PRKCA: variants seen among roughly 807,000 people sequenced by gnomAD.
PRKCA encodes protein kinase C alpha.
PRKCA carries 27 observed loss-of-function variants against 87.0 expected under a neutral mutation model. The observed-to-expected ratio is 0.31, with a 90% CI of 0.23 to 0.43. The LOEUF is 0.43. PRKCA is among the 20% of genes least tolerant of loss of function. PRKCA has a pLI of 1.00. For synonymous variants in PRKCA, 329 were observed against 311.1 expected (o/e 1.06, Z -0.61); for missense variants, 518 against 852.3 (o/e 0.61, Z 4.88).
At chr17:66,635,214 AG>A (rs541244639) in intron 3 of PRKCA, among the ~76,000 whole-genome samples, 85 of 152,320 alleles carry the variant, frequency 5.6e-4, no homozygotes, top group African/African-American at 2.0e-3. Context: ...TTATAGATGT[AG>A]GAAAGGATCC....
chr17:66,593,825 T>G (rs957559916), intron 3 of PRKCA, among the ~76,000 whole-genome samples: 1 of 152,190 alleles, frequency 6.6e-6, no homozygotes, highest in Non-Finnish European at 1.5e-5. Flanking sequence ...GGCCCACGCC[T>G]GTAATCCCAG....
intron 2 of PRKCA, among the ~76,000 whole-genome samples, chr17:66,459,523 G>A (rs975763415): frequency 6.6e-6 from 1 of 152,182 alleles, no homozygotes; most frequent in African/African-American, 2.4e-5. Context: ...TAAATGTGGG[G>A]CAAATTTCTA....
chr17:66,368,046 T>G (rs1240555981), intron 2 of PRKCA, among the ~76,000 whole-genome samples: 1 of 152,122 alleles, frequency 6.6e-6, no homozygotes, highest in Non-Finnish European at 1.5e-5. Flanking sequence ...CTTGGCAGAT[T>G]GGTCAATACT....
intron 14 of PRKCA, chr17:66,775,599 T>C: frequency 1.0e-6 from 1 of 985,398 alleles, no homozygotes; most frequent in Non-Finnish European, 1.2e-6. Context: ...TGCCAAGACC[T>C]GTGACTCTCC....
chr17:66,466,060 A>G (rs750257763), intron 2 of PRKCA, among the ~76,000 whole-genome samples: 5 of 152,236 alleles, frequency 3.3e-5, no homozygotes, highest in Non-Finnish European at 5.9e-5. Context: ...GAGAAGAAAC[A>G]GAGAAGCATT....
At chr17:66,567,029 A>G (rs1055125870) in intron 3 of PRKCA, among the ~76,000 whole-genome samples, 1 of 152,206 alleles carries the variant, frequency 6.6e-6, no homozygotes, top group Non-Finnish European at 1.5e-5. Context: ...ACATTATGTA[A>G]TATTTGTACA....
In PRKCA at chr17:66,788,662, C is replaced by G. The variant is rs563972366; in HGVS notation, c.1714-177C>G. 2.0e-5 allele frequency among the ~76,000 whole-genome samples: 3 copies of G among 152,184 alleles called. No individual in the cohort carries two copies. In the East Asian group the frequency reaches 5.8e-4, roughly 29 times the overall value. ...TAGGAAGGGCTATTCTTGCCAATGT[C>G]ATTTTTGTGAGTTGGCTTCACTTCG... On this transcript the variant is annotated intron_variant, in intron 15 of 16. Coordinates refer to ENST00000413366, the MANE Select transcript of PRKCA (RefSeq NM_002737.3).
intron 5 of PRKCA, among the ~76,000 whole-genome samples, chr17:66,666,982 A>G (rs1258507451): frequency 6.6e-6 from 1 of 152,236 alleles, no homozygotes; most frequent in Non-Finnish European, 1.5e-5. Flanking sequence ...ATTAGGAAGC[A>G]GCTTCTGTTC....
intron 2 of PRKCA, among the ~76,000 whole-genome samples, chr17:66,452,699 A>G (rs1057477133): frequency 1.3e-5 from 2 of 152,126 alleles, no homozygotes; most frequent in Non-Finnish European, 2.9e-5. Flanking sequence ...GTCACAAAAC[A>G]TAACTAGACA....
intron 2 of PRKCA, among the ~76,000 whole-genome samples, chr17:66,460,562 C>T (rs1425269454): frequency 6.6e-6 from 1 of 152,180 alleles, no homozygotes; most frequent in East Asian, 1.9e-4. Flanking sequence ...ACTAAAATCA[C>T]TCTATAGCTG....
chr17:66,737,620 C>G (rs9909896), intron 10 of PRKCA, among the ~76,000 whole-genome samples: 1 of 152,192 alleles, frequency 6.6e-6, no homozygotes, highest in East Asian at 1.9e-4. Context: ...TTGCAGCCAC[C>G]CGGAGCCTCT....
chr17:66,312,540 A>G (rs893543382), intron 2 of PRKCA, among the ~76,000 whole-genome samples: 5 of 152,128 alleles, frequency 3.3e-5, no homozygotes, highest in Non-Finnish European at 7.4e-5. Flanking sequence ...AGACTTACCT[A>G]CAATGCTTTC....
At chr17:66,331,589 G>C (rs554584145) in intron 2 of PRKCA, among the ~76,000 whole-genome samples, 1 of 152,210 alleles carries the variant, frequency 6.6e-6, no homozygotes, top group Admixed American at 6.5e-5. Context: ...ACCTAAGGCC[G>C]GATCTTTCAG....
At chr17:66,656,805 T>C (rs1455185590) in intron 5 of PRKCA, among the ~76,000 whole-genome samples, 1 of 152,220 alleles carries the variant, frequency 6.6e-6, no homozygotes. Flanking sequence ...ATTTTTTTCC[T>C]CTCTTGATCC....
intron 3 of PRKCA, among the ~76,000 whole-genome samples, chr17:66,575,483 G>A (rs1234277156): frequency 6.6e-6 from 1 of 152,200 alleles, no homozygotes; most frequent in East Asian, 1.9e-4. Flanking sequence ...GGGAGGCTGA[G>A]GCAGGAGAAT....
chr17:66,576,805 T>A (rs987866877), intron 3 of PRKCA, among the ~76,000 whole-genome samples: 10 of 152,094 alleles, frequency 6.6e-5, no homozygotes, highest in Middle Eastern at 3.4e-3. Context: ...TTAGGGAAGA[T>A]TTATGTGTTC....
In PRKCA at chr17:66,501,798, G is replaced by C. The variant is rs186555213; in HGVS notation, c.288+5515G>C. On this transcript the variant is annotated intron_variant, in intron 3 of 16. Transcript: ENST00000413366. ...CAAATTAAGATGCAGACTCGGACAT[G>C]GGCAGGTAGAAGTCGAGAGTAGAGC... Among the ~76,000 whole-genome samples the C allele has an allele frequency of 3.5e-4, 53 of 152,348 alleles. 1 individual carries two copies. The highest frequency in any genetic ancestry group is 5.0e-4 in the Non-Finnish European group (34 of 68,030).
intron 2 of PRKCA, among the ~76,000 whole-genome samples, chr17:66,360,146 C>T (rs143852680): frequency 5.3e-5 from 8 of 152,222 alleles, no homozygotes; most frequent in East Asian, 1.9e-4. Context: ...CAAACATCGC[C>T]GAACTTGATT....
intron 2 of PRKCA, among the ~76,000 whole-genome samples, chr17:66,351,177 A>G (rs974997751): frequency 6.6e-6 from 1 of 152,182 alleles, no homozygotes; most frequent in Non-Finnish European, 1.5e-5. Flanking sequence ...GAATGGGTGG[A>G]TGCTTGAATG....
Sources: gnomAD v4.1 joint callset for allele counts (sites outside exome capture counted in the v4.1 genomes callset) on GRCh38, gnomAD v4.1.1 for gene constraint, MANE v1.5 for transcripts, NCBI Gene and HGNC (gene_info 2026-07-23, HGNC 2026-07-21) for gene names.